The following POLR3B variants were observed in gnomAD, a reference collection of about 807,000 sequenced individuals.
POLR3B encodes RNA polymerase III subunit B, also known as DNA-directed RNA polymerase III subunit RPC2.
Under a neutral mutation model 147.4 loss-of-function variants are expected in POLR3B, and 96 were observed. That is an observed-to-expected ratio of 0.65 (90% CI 0.55 to 0.77). The LOEUF is 0.77. Among genes scored for constraint, POLR3B ranks in the 30% least tolerant of loss-of-function variants. The pLI, the probability that POLR3B is intolerant of heterozygous loss-of-function variation, is 0.00. For synonymous variants in POLR3B, 461 were observed against 485.9 expected, an observed-to-expected ratio of 0.95 and a Z score of 0.67; for missense variants, 1,036 against 1,413.5, an observed-to-expected ratio of 0.73 and a Z score of 4.28.
intron 9 of POLR3B, among the ~76,000 whole-genome samples, chr12:106,380,958 A>G (rs1305368963): frequency 2.6e-5 from 4 of 152,360 alleles, no homozygotes; most frequent in African/African-American, 9.6e-5. Context: ...TGCATACAAA[A>G]GTTATATGTA....
chr12:106,403,943 C>T (rs1417171164), intron 10 of POLR3B, among the ~76,000 whole-genome samples: 3 of 151,388 alleles, frequency 2.0e-5, no homozygotes, highest in Admixed American at 1.3e-4. Flanking sequence ...CACATGTACC[C>T]TAAAACTTAA....
At chr12:106,379,218 G>A (rs1050959663) in intron 8 of POLR3B, among the ~76,000 whole-genome samples, 3 of 152,188 alleles carry the variant, frequency 2.0e-5, no homozygotes, top group Admixed American at 6.5e-5. Flanking sequence ...GACTGTAAGA[G>A]GTAGATAGCC....
At chr12:106,400,220 A>G (rs535428148) in intron 10 of POLR3B, among the ~76,000 whole-genome samples, 3 of 152,322 alleles carry the variant, frequency 2.0e-5, no homozygotes, top group South Asian at 4.1e-4. Flanking sequence ...ACCAACAAAG[A>G]TCAAAAGAGA....
At chr12:106,468,211 C>G (rs973935478) in intron 23 of POLR3B, among the ~76,000 whole-genome samples, 22 of 152,140 alleles carry the variant, frequency 1.4e-4, no homozygotes, top group African/African-American at 5.3e-4. Flanking sequence ...ATTTATCCAT[C>G]TCTTCTAGAT....
intron 18 of POLR3B, among the ~76,000 whole-genome samples, chr12:106,443,565 T>C (rs1227749520): frequency 6.6e-6 from 1 of 152,014 alleles, no homozygotes; most frequent in South Asian, 2.1e-4. Flanking sequence ...TTGCCCGGGC[T>C]GGAGTGCAGT....
intron 19 of POLR3B, among the ~76,000 whole-genome samples, chr12:106,447,381 T>C (rs1044609676): frequency 6.6e-6 from 1 of 152,182 alleles, no homozygotes; most frequent in African/African-American, 2.4e-5. Context: ...TAATCCACGA[T>C]AAAACACCAG....
intron 18 of POLR3B, among the ~76,000 whole-genome samples, chr12:106,444,019 C>T (rs1280455859): frequency 1.3e-5 from 2 of 152,014 alleles, no homozygotes; most frequent in African/African-American, 2.4e-5. Context: ...GACAGGGTTT[C>T]ACCATGTTGG....
rs763510140 is a variant in POLR3B, at chr12:106,369,321, A to G, written c.274A>G (p.Asn92Asp). The change falls in exon 5 of 28, where the codon AAT (asparagine) becomes GAT (aspartate). Residue 92 changes from asparagine to aspartate, a missense_variant. Physicochemically the swap from Asn to Asp is conservative, Grantham distance 23. Around this residue, in one of 12 missense-constraint regions of POLR3B, gnomAD observed 150 missense variants for 145.5 expected, o/e 1.03. Transcript: ENST00000228347. ...VGLPDVEESF[N>D]VTRPVSPHEC... ...GCTTCCTGATGTTGAAGAAAGCTTCAATGTAACTAGACCAGTGTCCCCTCA... is the reference window on the plus strand; with the variant it reads ...GCTTCCTGATGTTGAAGAAAGCTTCGATGTAACTAGACCAGTGTCCCCTCA... 1.2e-6 allele frequency: 2 copies of G among 1,601,374 alleles called. No homozygotes were observed. The highest frequency in any genetic ancestry group is 1.7e-6 in the Non-Finnish European group (2 of 1,168,448).
rs114293512 is a variant in POLR3B, at chr12:106,363,482, A to T, written c.73-388A>T. Reference sequence around the variant, plus strand: ...GAGCTCTGACCAGACAGTAGTTGAGAGAGAATGGGAGGGAGAAAGAACTCC... The same window carrying T: ...GAGCTCTGACCAGACAGTAGTTGAGTGAGAATGGGAGGGAGAAAGAACTCC... On this transcript the variant is annotated intron_variant, in intron 1 of 27. Transcript: ENST00000228347. 1.4e-3 allele frequency among the ~76,000 whole-genome samples: 209 copies of T among 152,312 alleles called. 1 individual carries two copies. The highest frequency in any genetic ancestry group is 4.9e-3 in the African/African-American group (204 of 41,562).
At chr12:106,445,437 G>C (rs2037708962) in intron 19 of POLR3B, among the ~76,000 whole-genome samples, 2 of 152,102 alleles carry the variant, frequency 1.3e-5, no homozygotes, top group African/African-American at 4.8e-5. Flanking sequence ...TTGAAGGTAT[G>C]AAAGTGTGAA....
In POLR3B at chr12:106,504,309, C is replaced by A; in HGVS notation, c.3272+55C>A. 1 of 1,419,378 alleles carries A rather than the reference C, an allele frequency of 7.0e-7. No homozygotes were observed. Among genetic ancestry groups the A allele is most frequent in the Non-Finnish European group, 1.0e-6 (1 of 1,002,138 alleles). The allele number at this position is 1,419,378 out of a possible 1,614,324, so 87.9% of individuals were successfully genotyped here. On this transcript the variant is annotated intron_variant, in intron 27 of 27. Transcript: ENST00000228347. The surrounding 1 kb of genome is among the most constrained non-coding windows in gnomAD (Gnocchi z 4.6). ...ACACCCCTTGCCTCTTAAATCACAGCTCAAGAATTGACCCTGGATCCTATC... is the reference window on the plus strand; with the variant it reads ...ACACCCCTTGCCTCTTAAATCACAGATCAAGAATTGACCCTGGATCCTATC...
At chr12:106,448,642 G>T (rs1328706667) in intron 19 of POLR3B, among the ~76,000 whole-genome samples, 1 of 151,386 alleles carries the variant, frequency 6.6e-6, no homozygotes, top group Non-Finnish European at 1.5e-5. Context: ...GTTTCACCAT[G>T]TTGGCTAGGC....
At chr12:106,478,499 T>C (rs2038214870) in intron 23 of POLR3B, among the ~76,000 whole-genome samples, 1 of 152,096 alleles carries the variant, frequency 6.6e-6, no homozygotes, top group African/African-American at 2.4e-5. Context: ...AGGAGTTTTG[T>C]CTTGCTACTT....
intron 23 of POLR3B, among the ~76,000 whole-genome samples, chr12:106,477,698 G>GAT (rs2038194739): frequency 6.6e-6 from 1 of 151,984 alleles, no homozygotes. Flanking sequence ...TCCCAGGTGA[G>GAT]GCAATGCCTC....
chr12:106,461,314 C>T (rs1468855973), intron 22 of POLR3B, among the ~76,000 whole-genome samples: 1 of 152,184 alleles, frequency 6.6e-6, no homozygotes, highest in East Asian at 1.9e-4. Context: ...AGACTAGTCT[C>T]GAACTCTTCA....
chr12:106,453,127 C>T (rs1176574088), intron 19 of POLR3B, among the ~76,000 whole-genome samples: 4 of 150,446 alleles, frequency 2.7e-5, no homozygotes, highest in African/African-American at 9.8e-5. Context: ...TGGGCTCAAG[C>T]GATTCTCATG....
At position 106,496,764 on chromosome 12, in the gene POLR3B, A is replaced by G; in HGVS notation, c.2830A>G (p.Ile944Val). The change falls in exon 25 of 28, where the codon ATT becomes GTT. Residue 944 changes from isoleucine (I) to valine (V), a missense_variant. Ile to Val is a conservative substitution (Grantham distance 29, BLOSUM62 3). Coordinates refer to ENST00000228347, the MANE Select transcript of POLR3B (RefSeq NM_018082.6). ...TCACATCCTGCAGGTGGGGAAGCTC[A>G]TTGAGCTGCTGGCTGGCAAGGCCGG... ...FPSRMTVGKL[I>V]ELLAGKAGVL... is the part of the protein sequence containing the mutation. 6.2e-7 allele frequency: 1 copy of G among 1,614,144 alleles called. No individual in the cohort carries two copies. Among genetic ancestry groups the G allele is most frequent in the Non-Finnish European group, 8.5e-7 (1 of 1,180,020 alleles).
At chr12:106,399,716 C>A (rs1272463492) in intron 10 of POLR3B, among the ~76,000 whole-genome samples, 2 of 152,136 alleles carry the variant, frequency 1.3e-5, no homozygotes, top group Non-Finnish European at 2.9e-5. Context: ...AATTTCATAT[C>A]CAGCCAAACT....
chr12:106,485,153 G>A (rs548897438), intron 23 of POLR3B, among the ~76,000 whole-genome samples: 6 of 152,246 alleles, frequency 3.9e-5, no homozygotes, highest in South Asian at 4.1e-4. Flanking sequence ...GTGGAGGAGC[G>A]TGGCACCAGC....
Sources: gnomAD v4.1 joint callset for allele counts (sites outside exome capture counted in the v4.1 genomes callset) on GRCh38, gnomAD v4.1.1 for gene constraint, gnomAD v4.1.1 regional missense constraint, Gnocchi (gnomAD v3.1) non-coding constraint, MANE v1.5 for transcripts, NCBI Gene and HGNC (gene_info 2026-07-23, HGNC 2026-07-21) for gene names.